STXBP5L: variants seen among roughly 807,000 people sequenced by gnomAD.
The protein encoded by STXBP5L is syntaxin binding protein 5L.
Under a neutral mutation model 144.5 loss-of-function variants are expected in STXBP5L, and 65 were observed. The ratio of observed to expected loss-of-function variants is 0.45; its 90% confidence interval spans 0.37 to 0.55. The LOEUF is 0.55. STXBP5L is among the 20% of genes least tolerant of loss of function. The pLI, the probability that STXBP5L is intolerant of heterozygous loss-of-function variation, is 0.00. For missense variants in STXBP5L, 1,298 were observed against 1,405.5 expected, an observed-to-expected ratio of 0.92 and a Z score of 1.22; for synonymous variants, 505 against 469.6, an observed-to-expected ratio of 1.08 and a Z score of -0.97.
chr3:121,170,330 A>T (rs920079396), intron 9 of STXBP5L, among the ~76,000 whole-genome samples: 1 of 152,162 alleles, frequency 6.6e-6, no homozygotes, highest in African/African-American at 2.4e-5. Flanking sequence ...GCAGAAGACA[A>T]GAAATAACTA....
At chr3:121,298,886 T>C (rs2051770150) in intron 19 of STXBP5L, among the ~76,000 whole-genome samples, 1 of 152,188 alleles carries the variant, frequency 6.6e-6, no homozygotes, top group South Asian at 2.1e-4. Context: ...ACTGAAAAAT[T>C]TGTTTAGAAG....
At chr3:121,079,307 A>G (rs896459988) in intron 5 of STXBP5L, among the ~76,000 whole-genome samples, 24 of 152,262 alleles carry the variant, frequency 1.6e-4, no homozygotes, top group African/African-American at 5.8e-4. Context: ...CATTTCTTAC[A>G]TCTTGAGAGA....
intron 9 of STXBP5L, among the ~76,000 whole-genome samples, chr3:121,175,242 A>G (rs1395850340): frequency 6.6e-6 from 1 of 152,162 alleles, no homozygotes; most frequent in East Asian, 1.9e-4. Context: ...CATGCCCTAA[A>G]TACCAGACAT....
chr3:121,197,614 C>T (rs780236064), intron 9 of STXBP5L, among the ~76,000 whole-genome samples: 36 of 152,082 alleles, frequency 2.4e-4, no homozygotes, highest in Non-Finnish European at 4.9e-4. Flanking sequence ...TTTTAAGCCC[C>T]GCATGCATTA....
At chr3:121,245,894 C>G (rs1233954728) in intron 14 of STXBP5L, among the ~76,000 whole-genome samples, 1 of 152,044 alleles carries the variant, frequency 6.6e-6, no homozygotes, top group African/African-American at 2.4e-5. Context: ...GACAAAAGAT[C>G]AAGAAGGAAA....
At chr3:121,149,432 G>A (rs1559798631) in intron 7 of STXBP5L, among the ~76,000 whole-genome samples, 1 of 151,860 alleles carries the variant, frequency 6.6e-6, no homozygotes, top group Non-Finnish European at 1.5e-5. Flanking sequence ...AGAAGGCAAG[G>A]ATGCTTAGCC....
chr3:121,183,156 G>C (rs554044131), intron 9 of STXBP5L, among the ~76,000 whole-genome samples: 1 of 152,232 alleles, frequency 6.6e-6, no homozygotes, highest in Non-Finnish European at 1.5e-5. Flanking sequence ...AGTAATAAAA[G>C]CCGTCTAAGA....
chr3:120,940,238 G>T (rs1344357644), intron 2 of STXBP5L, among the ~76,000 whole-genome samples: 1 of 151,964 alleles, frequency 6.6e-6, no homozygotes, highest in East Asian at 1.9e-4. Context: ...GTTGCAATGT[G>T]TTTACATGTT....
At chr3:120,978,865 C>T (rs546011468) in intron 3 of STXBP5L, among the ~76,000 whole-genome samples, 14 of 152,286 alleles carry the variant, frequency 9.2e-5, no homozygotes, top group East Asian at 3.9e-4. Context: ...AGCAGATTTT[C>T]GTGAACCGCG....
intron 18 of STXBP5L, among the ~76,000 whole-genome samples, chr3:121,270,021 T>A (rs1477512881): frequency 6.6e-6 from 1 of 152,212 alleles, no homozygotes; most frequent in South Asian, 2.1e-4. Flanking sequence ...CGTTTCAGTT[T>A]AAGAATTTTT....
chr3:121,170,814 A>G (rs1465012623), intron 9 of STXBP5L, among the ~76,000 whole-genome samples: 1 of 152,202 alleles, frequency 6.6e-6, no homozygotes, highest in Non-Finnish European at 1.5e-5. Flanking sequence ...CAATAGAAAA[A>G]GAGGGAATCC....
chr3:121,419,168 C>T lies in STXBP5L; in HGVS notation c.*71C>T, dbSNP rs6782033. ...ACCAAATTTATTCCCAGCATCACTA[C>T]TCAACTGCTAGAAGCCAGTTTCTTC... On this transcript the variant is annotated 3_prime_UTR_variant, in exon 27 of 27. Transcript: ENST00000471454. The T allele has an allele frequency of 0.76, 1,109,031 of 1,457,358 alleles. 423,234 individuals carry two copies. Among genetic ancestry groups the T allele is most frequent in the East Asian group, 0.89 (38,468 of 43,130 alleles). The allele number at this position is 1,457,358 out of a possible 1,614,324, so 90.3% of individuals were successfully genotyped here.
In STXBP5L at chr3:120,983,904, G is replaced by A. The variant is rs1202272019; in HGVS notation, c.287+28867G>A. 3.3e-5 allele frequency among the ~76,000 whole-genome samples: 5 copies of A among 152,178 alleles called. No individual in the cohort carries two copies. The East Asian group carries it at 5.8e-4, about 18-fold the overall frequency. ...ATTTTGATTTTTCTTAATGGAAGAG[G>A]CACCTACTAGCTGCATCTGGCCAGC... On this transcript the variant is annotated intron_variant, in intron 3 of 26. Coordinates refer to ENST00000471454, the MANE Select transcript of STXBP5L (RefSeq NM_001308330.2).
In STXBP5L at chr3:121,421,485, G is replaced by C. The variant is rs2047351513; in HGVS notation, c.*2388G>C. The stretch of plus-strand genomic sequence containing the variant: ...AGTAATGACAATCAAAATGTCTCCA[G>C]TCATTGCCAAAATTTCTCCCAGTTC... On this transcript the variant is annotated 3_prime_UTR_variant, in exon 27 of 27. Coordinates refer to ENST00000471454, the MANE Select transcript of STXBP5L (RefSeq NM_001308330.2). The C allele has an allele frequency of 6.6e-6, 1 of 152,100 alleles. No individual in the cohort carries two copies. The allele number at this position is 152,100 out of a possible 1,614,324, so 9.4% of individuals were successfully genotyped here. A position where few individuals can be genotyped will look rare whatever the true frequency, so the allele number is the denominator to read the frequency against.
chr3:121,092,264 G>T (rs910821520), intron 5 of STXBP5L, among the ~76,000 whole-genome samples: 2 of 151,666 alleles, frequency 1.3e-5, no homozygotes, highest in Non-Finnish European at 2.9e-5. Flanking sequence ...GCTCTTTCTT[G>T]GTTCCATATG....
chr3:120,998,216 C>T (rs1034353143), intron 3 of STXBP5L, among the ~76,000 whole-genome samples: 3 of 152,034 alleles, frequency 2.0e-5, no homozygotes, highest in African/African-American at 7.2e-5. Context: ...CAACATAGTA[C>T]TGGAAGTCCT....
chr3:120,915,931 T>G (rs960405055), intron 2 of STXBP5L, among the ~76,000 whole-genome samples: 2 of 152,184 alleles, frequency 1.3e-5, no homozygotes, highest in African/African-American at 4.8e-5. Flanking sequence ...AGTCACTGAA[T>G]GAATGCAGCA....
intron 6 of STXBP5L, among the ~76,000 whole-genome samples, chr3:121,117,225 T>A (rs1192320849): frequency 1.6e-5 from 2 of 128,296 alleles, no homozygotes; most frequent in Non-Finnish European, 3.5e-5. Context: ...TTTTTCATAA[T>A]ATACACATGA....
chr3:121,094,944 A>T (rs1231136731), intron 5 of STXBP5L, among the ~76,000 whole-genome samples: 1 of 152,012 alleles, frequency 6.6e-6, no homozygotes, highest in Non-Finnish European at 1.5e-5. Flanking sequence ...TGCTTCCTTC[A>T]GGAGCTCTTT....
Sources: gnomAD v4.1 joint callset for allele counts (sites outside exome capture counted in the v4.1 genomes callset) on GRCh38, gnomAD v4.1.1 for gene constraint, MANE v1.5 for transcripts, NCBI Gene and HGNC (gene_info 2026-07-23, HGNC 2026-07-21) for gene names.